The following PCYOX1 variants were observed in gnomAD, a reference collection of about 807,000 sequenced individuals.
PCYOX1 encodes the protein prenylcysteine oxidase 1, also known as prenylcysteine lyase.
In PCYOX1, 46 loss-of-function variants were observed where a neutral mutation model predicts 46.4. The ratio of observed to expected loss-of-function variants is 0.99; its 90% CI spans 0.78 to 1.27. The LOEUF (loss-of-function observed/expected upper bound fraction) is 1.27, where lower values mean the gene tolerates loss of function less well. Among genes scored for constraint, PCYOX1 ranks in the 50% most tolerant of loss-of-function variants. PCYOX1 has a pLI of 0.00. For synonymous variants in PCYOX1, 220 were observed against 231.8 expected, an observed-to-expected ratio of 0.95 and a Z score of 0.46; for missense variants, 658 against 628.3, an observed-to-expected ratio of 1.05 and a Z score of -0.51.
rs200403322 is a variant in PCYOX1, at chr2:70,276,830, G to C, written c.956G>C (p.Arg319Pro). 5 of 1,613,216 alleles carry C rather than the reference G, an allele frequency of 3.1e-6. No individual in the cohort carries two copies. Among genetic ancestry groups the C allele is most frequent in the Non-Finnish European group, 4.2e-6 (5 of 1,179,386 alleles). ...GTCTTGGTGGCCACTCCGTTGAATC[G>C]AAAAATGTCGAATATTACTTTTCTC... Reference protein sequence around the residue: ...DIVLVATPLNRKMSNITFLNF... With the variant: ...DIVLVATPLNPKMSNITFLNF... The change falls in exon 6 of 6, where the codon CGA (arginine) becomes CCA (proline). Residue 319 changes from arginine to proline, a missense_variant. Transcript: ENST00000433351.
chr2:70,274,870 T>A lies in PCYOX1; in HGVS notation c.495-89T>A, dbSNP rs1696647376. ...TGAGCCACTGCACCTAGATGTCAGT[T>A]TGATTCTTATGACGCCACTTCCCTT... On this transcript the variant is annotated intron_variant, in intron 3 of 5. Transcript: ENST00000433351. 3.5e-6 allele frequency: 3 copies of A among 861,406 alleles called. No homozygotes were observed. The South Asian group carries it at 4.2e-5, about 12-fold the overall frequency. 53.4% of individuals were successfully genotyped at this position (861,406 alleles called of 1,614,324 possible). A position where few individuals can be genotyped will look rare whatever the true frequency, so the allele number is the denominator to read the frequency against.
chr2:70,266,713 T>G (rs1264924739), intron 3 of PCYOX1, among the ~76,000 whole-genome samples: 1 of 152,062 alleles, frequency 6.6e-6, no homozygotes, highest in Non-Finnish European at 1.5e-5. Flanking sequence ...AAAGCACATC[T>G]TGCACCGCCC....
intron 3 of PCYOX1, among the ~76,000 whole-genome samples, chr2:70,268,286 CAG>C (rs1696556115): frequency 6.6e-6 from 1 of 152,148 alleles, no homozygotes. Context: ...TCCACTAACT[CAG>C]AAACCTTCAG....
rs761620853 is a variant in PCYOX1 at position 70,258,321 on chromosome 2, C to T, written c.112+45C>T. ...CGCGGGAAGGTGCTGGAGCGCGCCC[C>T]GCGCCGGGCGGCCGCTGCGCAGTGC... On this transcript the variant is annotated intron_variant, in intron 1 of 5. Coordinates refer to ENST00000433351, the MANE Select transcript of PCYOX1 (RefSeq NM_016297.4). 1.4e-5 allele frequency: 19 copies of T among 1,330,848 alleles called. No individual in the cohort carries two copies. The East Asian group carries it at 4.3e-4, about 30-fold the overall frequency. 82.4% of individuals were successfully genotyped at this position (1,330,848 alleles called of 1,614,324 possible). A position where few individuals can be genotyped will look rare whatever the true frequency, so the allele number is the denominator to read the frequency against.
At chr2:70,270,762 C>A (rs1318455040) in intron 3 of PCYOX1, among the ~76,000 whole-genome samples, 1 of 152,092 alleles carries the variant, frequency 6.6e-6, no homozygotes, top group African/African-American at 2.4e-5. Context: ...TCTTTTCAGA[C>A]CATTTTCTCC....
upstream of PCYOX1, chr2:70,258,082 G>A (rs1273254381): frequency 1.7e-6 from 2 of 1,156,846 alleles, no homozygotes; most frequent in South Asian, 1.4e-5. Context: ...CGGCCTGGGG[G>A]CGGGGCTGGG....
chr2:70,262,049 T>C (rs1452961949), intron 3 of PCYOX1, among the ~76,000 whole-genome samples: 2 of 152,232 alleles, frequency 1.3e-5, no homozygotes, highest in East Asian at 3.8e-4. Flanking sequence ...GTTTTTTTAA[T>C]GCGTGTGAAT....
chr2:70,263,423 C>T (rs1025669660), intron 3 of PCYOX1, among the ~76,000 whole-genome samples: 1 of 152,084 alleles, frequency 6.6e-6, no homozygotes, highest in Non-Finnish European at 1.5e-5. Flanking sequence ...TATTGAATAC[C>T]TGTTAGGTGC....
At chr2:70,260,285 C>T (rs1367746188) in intron 2 of PCYOX1, among the ~76,000 whole-genome samples, 1 of 152,190 alleles carries the variant, frequency 6.6e-6, no homozygotes, top group Non-Finnish European at 1.5e-5. Flanking sequence ...TGGCTCATGC[C>T]TGTAATCCCA....
At chr2:70,275,375 G>C in intron 4 of PCYOX1, 139 bp from the exon 5 acceptor site, 1 of 902,276 alleles carries the variant, frequency 1.1e-6, no homozygotes. Flanking sequence ...ATTCTTAACT[G>C]GGGGAGATTT....
In PCYOX1 at chr2:70,258,178, T is replaced by G; in HGVS notation, c.14T>G (p.Val5Gly). ...CTTGTGGAGGCCATGGGGCGCGTCG[T>G]CGCGGAGCTCGTCTCCTCGCTGCTG... MGRV[V>G]AELVSSLLGL... The change falls in exon 1 of 6, where the codon GTC (valine) becomes GGC (glycine). Residue 5 changes from valine (V) to glycine (G), a missense_variant. Val to Gly is a moderately radical substitution (Grantham distance 109, BLOSUM62 -3). Transcript: ENST00000433351. 1 of 1,596,236 alleles carries G rather than the reference T, an allele frequency of 6.3e-7. No individual in the cohort carries two copies. The highest frequency in any genetic ancestry group is 8.5e-7 in the Non-Finnish European group (1 of 1,176,150).
intron 5 of PCYOX1, 84 bp from the exon 6 acceptor site, chr2:70,276,650 A>G (rs1696676008): frequency 1.3e-6 from 1 of 778,206 alleles, no homozygotes; most frequent in Admixed American, 2.8e-5. Flanking sequence ...AGAATTATAG[A>G]GAAATTATGA....
rs1205128224 is a variant in PCYOX1, at chr2:70,276,985, T to G, written c.1111T>G (p.Leu371Val). Reference sequence around the variant, plus strand: ...AGATAAATTTGGCCTTAATACAGTTTTAACCACTGATAATTCAGATTTGTT... The same window carrying G: ...AGATAAATTTGGCCTTAATACAGTTGTAACCACTGATAATTCAGATTTGTT... ...PIDKFGLNTV[L>V]TTDNSDLFIN... The change falls in exon 6 of 6, where the codon TTA (leucine) becomes GTA (valine). Residue 371 changes from leucine to valine, a missense_variant. By Grantham distance (32) the Leu-to-Val change is conservative. Coordinates refer to ENST00000433351, the MANE Select transcript of PCYOX1 (RefSeq NM_016297.4). The G allele has an allele frequency of 6.2e-7, 1 of 1,614,040 alleles. No homozygotes were observed. Among genetic ancestry groups the G allele is most frequent in the Admixed American group, 1.7e-5 (1 of 60,020 alleles).
At chr2:70,270,329 G>A (rs756891309) in intron 3 of PCYOX1, among the ~76,000 whole-genome samples, 1 of 152,106 alleles carries the variant, frequency 6.6e-6, no homozygotes, top group Non-Finnish European at 1.5e-5. Context: ...CCTTGGACTT[G>A]GAAAGGCTTT....
chr2:70,277,451 C>A lies in PCYOX1; in HGVS notation c.*59C>A, dbSNP rs1177403348. On this transcript the variant is annotated 3_prime_UTR_variant, in exon 6 of 6. Coordinates refer to ENST00000433351, the MANE Select transcript of PCYOX1 (RefSeq NM_016297.4). ...AATGACTATCAGTGGCAAAAAAGAACAAAATCTGAGCAGAGATGATTTTGA... is the reference window on the plus strand; with the variant it reads ...AATGACTATCAGTGGCAAAAAAGAAAAAAATCTGAGCAGAGATGATTTTGA... 2 of 1,333,562 alleles carry A rather than the reference C, an allele frequency of 1.5e-6. No individual in the cohort carries two copies. The highest frequency in any genetic ancestry group is 2.9e-5 in the African/African-American group (2 of 68,142). 82.6% of individuals were successfully genotyped at this position (1,333,562 alleles called of 1,614,324 possible).
chr2:70,276,699 C>T (rs1228998880), intron 5 of PCYOX1, 35 bp from the exon 6 acceptor site: 5 of 1,248,848 alleles, frequency 4.0e-6, no homozygotes, highest in Non-Finnish European at 5.6e-6. Context: ...ATGTTAGAAA[C>T]ACTAAACAAA....
intron 5 of PCYOX1, among the ~76,000 whole-genome samples, chr2:70,276,225 T>C (rs1235565141): frequency 6.6e-6 from 1 of 151,806 alleles, no homozygotes; most frequent in Non-Finnish European, 1.5e-5. Context: ...GGCCGGACTG[T>C]AGTGGCCTAT....
rs148935804 is a variant in PCYOX1, at chr2:70,277,337, A to G, written c.1463A>G (p.His488Arg). 163 of 1,613,726 alleles carry G rather than the reference A, an allele frequency of 1.0e-4. No homozygotes were observed. Among genetic ancestry groups the G allele is most frequent in the Middle Eastern group, 3.3e-4 (2 of 6,084 alleles). The change falls in exon 6 of 6, where the codon CAC becomes CGC. Residue 488 changes from histidine to arginine, a missense_variant. Physicochemically the swap from His to Arg is conservative, Grantham distance 29. Transcript: ENST00000433351. ...CTTGCCTATCACCGCTGGAACGGGC[A>G]CACAGACATGATTGATCAGGATGGC... ...ALLAYHRWNG[H>R]TDMIDQDGLY...
At position 70,261,152 on chromosome 2, in the gene PCYOX1, C is replaced by T. The variant is rs956783849; in HGVS notation, c.320-60C>T. 8.2e-5 allele frequency: 91 copies of T among 1,107,812 alleles called. No homozygotes were observed. In the African/African-American group the frequency reaches 1.1e-3, roughly 14 times the overall value. The allele number at this position is 1,107,812 out of a possible 1,614,324, so 68.6% of individuals were successfully genotyped here. A position where few individuals can be genotyped will look rare whatever the true frequency, so the allele number is the denominator to read the frequency against. The stretch of plus-strand genomic sequence containing the variant: ...GGAAGCCCCAAATTCACTCAGATTA[C>T]GTTCTTTCATTTGATCAGCATAGAC... On this transcript the variant is annotated intron_variant, in intron 2 of 5. Coordinates refer to ENST00000433351, the MANE Select transcript of PCYOX1 (RefSeq NM_016297.4).
Sources: allele counts gnomAD v4.1 joint callset (sites outside exome capture counted in the v4.1 genomes callset), GRCh38; gene constraint gnomAD v4.1.1; transcripts MANE v1.5; gene names NCBI Gene and HGNC (gene_info 2026-07-23, HGNC 2026-07-21).